MALRD1: variants seen among roughly 807,000 people sequenced by gnomAD.
MALRD1 encodes the protein MAM and LDL receptor class A domain containing 1, also known as MAM and LDL-receptor class A domain-containing protein 1.
A neutral mutation model predicts 242.1 loss-of-function variants in MALRD1; 247 were observed. The ratio of observed to expected loss-of-function variants is 1.02; its 90% CI spans 0.92 to 1.13. The LOEUF is 1.13. MALRD1 is among the 50% of genes most tolerant of loss of function. MALRD1 has a pLI of 0.00. For synonymous variants in MALRD1, 995 were observed against 866.6 expected, an observed-to-expected ratio of 1.15 and a Z score of -2.60; for missense variants, 2,989 against 2,533.1, an observed-to-expected ratio of 1.18 and a Z score of -3.86.
intron 18 of MALRD1, among the ~76,000 whole-genome samples, chr10:19,242,729 T>C (rs371373399): frequency 6.6e-6 from 1 of 152,210 alleles, no homozygotes. Context: ...TTTTAAAATA[T>C]GACATGACTG....
intron 16 of MALRD1, 46 bp downstream of exon 16, chr10:19,204,459 G>T: frequency 1.1e-5 from 14 of 1,299,586 alleles, no homozygotes; most frequent in Admixed American, 2.3e-5. Context: ...AGTTCACCCT[G>T]GTGGTGAAGT....
intron 28 of MALRD1, among the ~76,000 whole-genome samples, chr10:19,447,699 G>A (rs1300352304): frequency 1.3e-5 from 2 of 152,064 alleles, no homozygotes; most frequent in Non-Finnish European, 2.9e-5. Context: ...ACAGGCTTTT[G>A]TCAATATCCA....
chr10:19,401,126 T>G (rs1846819291), intron 28 of MALRD1, among the ~76,000 whole-genome samples: 2 of 152,084 alleles, frequency 1.3e-5, no homozygotes, highest in African/African-American at 4.8e-5. Context: ...GCCCCTGAAT[T>G]CACCAATTAT....
At chr10:19,520,299 G>T (rs1833822153) in intron 31 of MALRD1, among the ~76,000 whole-genome samples, 1 of 150,928 alleles carries the variant, frequency 6.6e-6, no homozygotes. Flanking sequence ...GTAATCGATG[G>T]TTTGTTTTCT....
intron 32 of MALRD1, among the ~76,000 whole-genome samples, chr10:19,550,462 T>C (rs1162664693): frequency 6.6e-6 from 1 of 152,112 alleles, no homozygotes; most frequent in Admixed American, 6.6e-5. Context: ...CTAGTACCAA[T>C]TAATTATTTT....
chr10:19,489,116 G>C, intron 29 of MALRD1: 1 of 464,708 alleles, frequency 2.2e-6, no homozygotes, highest in Non-Finnish European at 4.4e-6. Context: ...AGGAAGGTCA[G>C]CTCTGCTGAA....
rs1589300782 is a variant in MALRD1 at position 19,607,817 on chromosome 10, C to T, written c.5985C>T (p.Ser1995=). Residue 1995 remains serine, a synonymous_variant, in exon 35 of 40, where the codon TCC becomes TCT. Coordinates refer to ENST00000454679, the MANE Select transcript of MALRD1 (RefSeq NM_001142308.3). ...CTAATGGAGCTCTGGTGTGTGCCTCCTCCAACAGCTGTATCCCAGCCCACC... is the reference window on the plus strand; with the variant it reads ...CTAATGGAGCTCTGGTGTGTGCCTCTTCCAACAGCTGTATCCCAGCCCACC... ...SCSNGALVCA[S]SNSCIPAHQR... 6.5e-7 allele frequency: 1 copy of T among 1,549,672 alleles called. No homozygotes were observed. The highest frequency in any genetic ancestry group is 1.7e-4 in the Middle Eastern group (1 of 5,984).
chr10:19,238,495 T>TAC (rs1838560103), intron 18 of MALRD1, among the ~76,000 whole-genome samples: 1 of 8,222 alleles, frequency 1.2e-4, no homozygotes, highest in South Asian at 4.6e-3. Flanking sequence ...ATATATAATA[T>TAC]ATAATATAAT....
intron 30 of MALRD1, among the ~76,000 whole-genome samples, chr10:19,495,426 G>C (rs78683028): frequency 6.6e-6 from 1 of 151,210 alleles, no homozygotes; most frequent in African/African-American, 2.4e-5. Context: ...CAGAAAAATT[G>C]GGGGCCTATA....
chr10:19,651,548 T>C (rs546910970), intron 36 of MALRD1, among the ~76,000 whole-genome samples: 3 of 152,280 alleles, frequency 2.0e-5, no homozygotes, highest in Admixed American at 6.5e-5. Flanking sequence ...AATAGTTCCC[T>C]CATACAAAAC....
At chr10:19,489,537 C>G (rs907840907) in intron 29 of MALRD1, 1 of 578,548 alleles carries the variant, frequency 1.7e-6, no homozygotes, top group Non-Finnish European at 2.9e-6. Flanking sequence ...AGGAGGGAAT[C>G]CCATCTCATC....
chr10:19,272,860 C>T (rs1344849924), intron 19 of MALRD1, among the ~76,000 whole-genome samples: 2 of 152,148 alleles, frequency 1.3e-5, no homozygotes, highest in Non-Finnish European at 2.9e-5. Flanking sequence ...AGGACATGAA[C>T]TCATTCTTTT....
intron 26 of MALRD1, among the ~76,000 whole-genome samples, chr10:19,373,908 A>G (rs1161293456): frequency 6.6e-6 from 1 of 152,186 alleles, no homozygotes; most frequent in Non-Finnish European, 1.5e-5. Context: ...AATTCAAAAC[A>G]ATTTGTGACT....
intron 29 of MALRD1, among the ~76,000 whole-genome samples, chr10:19,461,790 G>A (rs940736952): frequency 2.0e-5 from 3 of 152,132 alleles, no homozygotes; most frequent in Non-Finnish European, 4.4e-5. Context: ...GCTGCAGTGA[G>A]TCATGATCTC....
At chr10:19,250,923 ATT>A (rs1839267649) in intron 18 of MALRD1, among the ~76,000 whole-genome samples, 1 of 151,738 alleles carries the variant, frequency 6.6e-6, no homozygotes, top group South Asian at 2.1e-4. Flanking sequence ...GAATGGCCCA[ATT>A]TCTTACATCT....
intron 28 of MALRD1, among the ~76,000 whole-genome samples, chr10:19,441,923 C>A (rs1834678567): frequency 6.6e-6 from 1 of 152,146 alleles, no homozygotes; most frequent in Non-Finnish European, 1.5e-5. Context: ...TTACCTTGGG[C>A]AGTATGGCCA....
intron 36 of MALRD1, among the ~76,000 whole-genome samples, chr10:19,677,097 G>A (rs1461344347): frequency 1.3e-5 from 2 of 151,856 alleles, no homozygotes; most frequent in Middle Eastern, 3.2e-3. Context: ...CCATATCTTT[G>A]CTATTGTGAA....
In MALRD1 at chr10:19,245,410, G is replaced by T. The variant is rs180699949; in HGVS notation, c.2992-12274G>T. Among the ~76,000 whole-genome samples, 658 of 152,166 alleles carry T rather than the reference G, an allele frequency of 4.3e-3. 4 individuals are homozygous for T. Among genetic ancestry groups the T allele is most frequent in the Non-Finnish European group, 7.9e-3 (536 of 68,000 alleles). ...AAACATAGCAAAAATTTTCTTTTGA[G>T]CAATAAAATAAATAAATGTATGCAT... On this transcript the variant is annotated intron_variant, in intron 18 of 39. Transcript: ENST00000454679.
At chr10:19,162,724 T>A (rs1834486773) in intron 12 of MALRD1, among the ~76,000 whole-genome samples, 1 of 151,972 alleles carries the variant, frequency 6.6e-6, no homozygotes, top group African/African-American at 2.4e-5. Context: ...GGAGTGTAGA[T>A]TAGTTCAACC....
Sources: gnomAD v4.1 joint callset for allele counts (sites outside exome capture counted in the v4.1 genomes callset) on GRCh38, gnomAD v4.1.1 for gene constraint, MANE v1.5 for transcripts, NCBI Gene and HGNC (gene_info 2026-07-23, HGNC 2026-07-21) for gene names.